Variants in CCDC77 observed in about 807,000 individuals in gnomAD.
CCDC77 encodes the protein coiled-coil domain containing 77, also known as coiled-coil domain-containing protein 77.
Under a neutral mutation model 66.8 loss-of-function variants are expected in CCDC77, and 56 were observed. That is an observed-to-expected ratio of 0.84 (90% CI 0.68 to 1.05). The LOEUF is 1.05. CCDC77 is among the 50% of genes least tolerant of loss of function. CCDC77 has a pLI of 0.00. For missense variants in CCDC77, 570 were observed against 576.8 expected (o/e 0.99, Z 0.12); for synonymous variants, 196 against 195.2 (o/e 1.00, Z -0.03).
chr12:405,851 A>G (rs1382261551), intron 2 of CCDC77, among the ~76,000 whole-genome samples: 1 of 151,602 alleles, frequency 6.6e-6, no homozygotes, highest in Non-Finnish European at 1.5e-5. Context: ...CGCTGCCTTT[A>G]GTGAGTTTGC....
upstream of CCDC77, among the ~76,000 whole-genome samples, chr12:401,102 C>G (rs779454729): frequency 4.6e-5 from 7 of 152,210 alleles, no homozygotes; most frequent in South Asian, 1.0e-3. Flanking sequence ...TCATTAAAGC[C>G]CAGTGTCTTA....
At chr12:408,534 T>A (rs1945042444) in intron 2 of CCDC77, among the ~76,000 whole-genome samples, 1 of 152,128 alleles carries the variant, frequency 6.6e-6, no homozygotes, top group South Asian at 2.1e-4. Context: ...ACTTCTGCTT[T>A]TGGAGAGGGG....
At chr12:417,930 G>T (rs1339361239) in intron 4 of CCDC77, among the ~76,000 whole-genome samples, 1 of 151,930 alleles carries the variant, frequency 6.6e-6, no homozygotes, top group Non-Finnish European at 1.5e-5. Context: ...TAGAATAGGT[G>T]AGTCGTACAG....
intron 3 of CCDC77, among the ~76,000 whole-genome samples, chr12:409,952 C>G (rs1368698157): frequency 6.7e-6 from 1 of 148,982 alleles, no homozygotes; most frequent in Non-Finnish European, 1.5e-5. Flanking sequence ...GAGCTCAGAT[C>G]ACGCCACTGC....
chr12:393,247 A>T (rs145488578), intron 1 of CCDC77, among the ~76,000 whole-genome samples: 1 of 152,116 alleles, frequency 6.6e-6, no homozygotes, highest in East Asian at 1.9e-4. Context: ...AGTAGCTAGG[A>T]CCACAGGTGT....
chr12:433,311 G>C lies in CCDC77; in HGVS notation c.810G>C (p.Glu270Asp), dbSNP rs1293518408. The C allele has an allele frequency of 1.2e-6, 2 of 1,613,320 alleles. No individual in the cohort carries two copies. Among genetic ancestry groups the C allele is most frequent in the Non-Finnish European group, 1.7e-6 (2 of 1,179,802 alleles). The change falls in exon 9 of 13, where the codon GAG becomes GAC. Residue 270 changes from glutamate to aspartate, a missense_variant. Physicochemically the swap from Glu to Asp is conservative, Grantham distance 45. Transcript: ENST00000239830. ...QHQRNQNKIK[E>D]LTKNLHHTQE... ...AGAGAAATCAGAACAAAATCAAAGA[G>C]CTAACCAAAAAGTGAGTGTCTAAGA... is the stretch of plus-strand genomic sequence containing the variant.
intron 1 of CCDC77, among the ~76,000 whole-genome samples, chr12:403,598 A>G (rs767825863): frequency 2.6e-4 from 40 of 152,180 alleles, no homozygotes; most frequent in African/African-American, 8.9e-4. Flanking sequence ...AGCTCAAGCA[A>G]TCCTCTGCCT....
intron 2 of CCDC77, among the ~76,000 whole-genome samples, chr12:407,871 T>G (rs71447484): frequency 7.6e-5 from 10 of 130,868 alleles, no homozygotes; most frequent in Non-Finnish European, 1.5e-4. Flanking sequence ...CACTGCGACC[T>G]CCACCTCCCA....
intron 6 of CCDC77, among the ~76,000 whole-genome samples, chr12:429,426 A>G (rs1945604342): frequency 6.7e-6 from 1 of 150,238 alleles, no homozygotes; most frequent in Non-Finnish European, 1.5e-5. Context: ...CTGTATACGT[A>G]TACTTCTGTT....
intron 4 of CCDC77, among the ~76,000 whole-genome samples, chr12:412,431 A>C (rs1945130991): frequency 6.6e-6 from 1 of 152,210 alleles, no homozygotes; most frequent in South Asian, 2.1e-4. Context: ...GGCATCATCC[A>C]GTTCTCTGCC....
At chr12:414,611 C>G (rs149851424) in intron 4 of CCDC77, among the ~76,000 whole-genome samples, 40 of 152,276 alleles carry the variant, frequency 2.6e-4, no homozygotes, top group African/African-American at 9.6e-4. Context: ...GCTCCTTTCT[C>G]TACCCTCCCT....
chr12:432,555 TAAGAA>T (rs1945673171), intron 8 of CCDC77, among the ~76,000 whole-genome samples: 1 of 152,168 alleles, frequency 6.6e-6, no homozygotes, highest in Non-Finnish European at 1.5e-5. Flanking sequence ...AACCAAAAAC[TAAGAA>T]AAGAGTCATT....
intron 5 of CCDC77, among the ~76,000 whole-genome samples, chr12:423,489 G>GTTTTTTTTTTTTTTTTTTT: frequency 3.1e-5 from 1 of 32,684 alleles, no homozygotes; most frequent in Non-Finnish European, 5.6e-5. Context: ...GTTTTTTTTT[G>GTTTTTTTTTTTTTTTTTTT]TTTTGTTTTT....
At chr12:409,309 G>A in intron 2 of CCDC77, 59 bp from the exon 3 acceptor site, 1 of 1,197,726 alleles carries the variant, frequency 8.3e-7, no homozygotes, top group Admixed American at 1.7e-5. Flanking sequence ...GTCTAATCCT[G>A]TACTGTTTTT....
At chr12:441,733 C>G in intron 12 of CCDC77, 41 bp from the exon 13 acceptor site, 1 of 1,580,294 alleles carries the variant, frequency 6.3e-7, no homozygotes. Context: ...CTGGCATATG[C>G]CATCATCATT....
chr12:412,254 A>G (rs1162257476), intron 4 of CCDC77, among the ~76,000 whole-genome samples: 1 of 152,150 alleles, frequency 6.6e-6, no homozygotes, highest in Admixed American at 6.5e-5. Flanking sequence ...TGTTACCTCC[A>G]TAGCTTCCTG....
chr12:440,783 A>G (rs550206724), intron 11 of CCDC77, 41 bp downstream of exon 11: 6 of 1,613,338 alleles, frequency 3.7e-6, no homozygotes, highest in Non-Finnish European at 5.1e-6. Flanking sequence ...TAGGAAGTGC[A>G]GATGGCTGGG....
chr12:438,058 C>A (rs1945788835), intron 9 of CCDC77, among the ~76,000 whole-genome samples: 1 of 152,022 alleles, frequency 6.6e-6, no homozygotes, highest in African/African-American at 2.4e-5. Flanking sequence ...GTAAATATCC[C>A]TGTAGTCCTT....
chr12:393,784 G>A (rs915961535), intron 1 of CCDC77, among the ~76,000 whole-genome samples: 5 of 152,016 alleles, frequency 3.3e-5, no homozygotes, highest in Non-Finnish European at 5.9e-5. Context: ...CACCTGCCTC[G>A]GCCTCCCAAT....
Sources: allele counts gnomAD v4.1 joint callset (sites outside exome capture counted in the v4.1 genomes callset), GRCh38; gene constraint gnomAD v4.1.1; transcripts MANE v1.5; gene names NCBI Gene and HGNC (gene_info 2026-07-23, HGNC 2026-07-21).